The following BRIP1 variants were observed in gnomAD, a reference collection of about 807,000 sequenced individuals.
BRIP1 encodes BRCA1 interacting DNA helicase 1.
BRIP1 carries 88 observed loss-of-function variants against 119.7 expected under a neutral mutation model. The ratio of observed to expected loss-of-function variants is 0.74; its 90% CI spans 0.62 to 0.88. BRIP1 has a LOEUF of 0.88. BRIP1 is among the 40% of genes least tolerant of loss of function. BRIP1 has a pLI of 0.00. For synonymous variants in BRIP1, 443 were observed against 496.5 expected (o/e 0.89, Z 1.43); for missense variants, 1,259 against 1,455.4 (o/e 0.87, Z 2.20).
rs1253399755 is a variant in BRIP1 at position 61,706,529 on chromosome 17, A to C, written c.2492+9422T>G. Among the ~76,000 whole-genome samples the C allele has an allele frequency of 6.6e-6, 1 of 152,160 alleles. No individual in the cohort carries two copies. Among genetic ancestry groups the C allele is most frequent in the African/African-American group, 2.4e-5 (1 of 41,442 alleles). Reference sequence around the variant, plus strand: ...TTTACAATTCCCATTCCTCAGAAACAATTACTTTCAATATTTTAGGTAGAT... The same window carrying C: ...TTTACAATTCCCATTCCTCAGAAACCATTACTTTCAATATTTTAGGTAGAT... On this transcript the variant is annotated intron_variant, in intron 17 of 19. Coordinates refer to ENST00000259008, the MANE Select transcript of BRIP1 (RefSeq NM_032043.3). This position sits in a 1 kb window ranked among gnomAD's most constrained non-coding sequence, Gnocchi z 5.7.
chr17:61,751,196 T>A lies in BRIP1; in HGVS notation c.2098-6605A>T, dbSNP rs1031979724. ...AAATGCTTGAATATGGATAAACCCA[T>A]AGTAAGTGAAAAAAGCCACTGTATT... On this transcript the variant is annotated intron_variant, in intron 14 of 19. Transcript: ENST00000259008. This position sits in a 1 kb window ranked among gnomAD's most constrained non-coding sequence, Gnocchi z 6.7. Among the ~76,000 whole-genome samples, 1 of 152,180 alleles carries A rather than the reference T, an allele frequency of 6.6e-6. No individual in the cohort carries two copies. Among genetic ancestry groups the A allele is most frequent in the Non-Finnish European group, 1.5e-5 (1 of 68,010 alleles).
rs887559146 is a variant in BRIP1, at chr17:61,789,126, G to A, written c.1473+4471C>T. Among the ~76,000 whole-genome samples the A allele has an allele frequency of 1.3e-5, 2 of 151,838 alleles. No homozygotes were observed. Among genetic ancestry groups the A allele is most frequent in the African/African-American group, 4.8e-5 (2 of 41,318 alleles). On this transcript the variant is annotated intron_variant, in intron 10 of 19. Transcript: ENST00000259008. The surrounding 1 kb of genome is among the most constrained non-coding windows in gnomAD (Gnocchi z 4.8). ...AATAAAAAAATAAGTAATTAGCCAG[G>A]TGTGGTAATGCATGCCTGTAGTCCC...
chr17:61,784,177 T>A, intron 11 of BRIP1, 93 bp downstream of exon 11: 1 of 1,114,808 alleles, frequency 9.0e-7, no homozygotes, highest in East Asian at 2.4e-5. Flanking sequence ...TTCTCCTATT[T>A]ACTCACCCAA....
rs374974885 is a variant in BRIP1, at chr17:61,801,469, T to C, written c.924A>G (p.Lys308=). The C allele has an allele frequency of 1.5e-5, 24 of 1,606,726 alleles. No homozygotes were observed. In the East Asian group the frequency reaches 2.2e-4, roughly 15 times the overall value. Residue 308 remains lysine (K), a synonymous_variant, in exon 8 of 20, where the codon AAA becomes AAG. Transcript: ENST00000259008. The part of the protein sequence containing the change: ...CMELLDGKNG[K]SCYFYHGVHK... The stretch of plus-strand genomic sequence containing the variant: ...GAACTCCATGATAAAAATAGCAGGA[T>C]TTTCCCTAGAAACAAATATGCATAA...
rs1358311975 is a variant in BRIP1 at position 61,699,342 on chromosome 17, T to G, written c.2493-5830A>C. 6.6e-6 allele frequency among the ~76,000 whole-genome samples: 1 copy of G among 152,252 alleles called. No individual in the cohort carries two copies. Among genetic ancestry groups the G allele is most frequent in the Admixed American group, 6.5e-5 (1 of 15,288 alleles). On this transcript the variant is annotated intron_variant, in intron 17 of 19. Coordinates refer to ENST00000259008, the MANE Select transcript of BRIP1 (RefSeq NM_032043.3). This position sits in a 1 kb window ranked among gnomAD's most constrained non-coding sequence, Gnocchi z 4.8. ...CTTTGCTATTTGCTTTCTATATGCC[T>G]TACGTATTTTGTTCTTCTGTCTTTC...
Position 61,693,203 on chromosome 17 carries a change from G to A in BRIP1, c.2575+227C>T, listed in dbSNP as rs2061472444. 6.6e-6 allele frequency among the ~76,000 whole-genome samples: 1 copy of A among 152,140 alleles called. No individual in the cohort carries two copies. The highest frequency in any genetic ancestry group is 2.4e-5 in the African/African-American group (1 of 41,438). On this transcript the variant is annotated intron_variant, in intron 18 of 19. Coordinates refer to ENST00000259008, the MANE Select transcript of BRIP1 (RefSeq NM_032043.3). This position sits in a 1 kb window ranked among gnomAD's most constrained non-coding sequence, Gnocchi z 4.2. The stretch of plus-strand genomic sequence containing the variant: ...AGAAAGTATAGCGGTGGTTGTCAGT[G>A]GACAGGGGGGAGAGGGACATGGGGC...
chr17:61,776,226 G>T lies in BRIP1; in HGVS notation c.2097+175C>A. ...AGTAAAACAGAGGTAGGACAATCAG[G>T]CAGTATCTTAATCAAAAAATAAGTA... On this transcript the variant is annotated intron_variant, in intron 14 of 19. Transcript: ENST00000259008. This position sits in a 1 kb window ranked among gnomAD's most constrained non-coding sequence, Gnocchi z 5.0. 1 of 690,588 alleles carries T rather than the reference G, an allele frequency of 1.4e-6. No homozygotes were observed. The highest frequency in any genetic ancestry group is 2.4e-6 in the Non-Finnish European group (1 of 418,238). The allele number at this position is 690,588 out of a possible 1,614,324, so 42.8% of individuals were successfully genotyped here.
Position 61,796,081 on chromosome 17 carries a change from T to C in BRIP1, c.1341-2352A>G, listed in dbSNP as rs2077894314. On this transcript the variant is annotated intron_variant, in intron 9 of 19. Coordinates refer to ENST00000259008, the MANE Select transcript of BRIP1 (RefSeq NM_032043.3). The surrounding 1 kb of genome is among the most constrained non-coding windows in gnomAD (Gnocchi z 4.8). Reference sequence around the variant, plus strand: ...TAGAGAAATGTCTATTCAAATCTTTTGTCCATTTTTAATTAGATTATTAGA... The same window carrying C: ...TAGAGAAATGTCTATTCAAATCTTTCGTCCATTTTTAATTAGATTATTAGA... 6.6e-6 allele frequency among the ~76,000 whole-genome samples: 1 copy of C among 152,110 alleles called. No individual in the cohort carries two copies. The highest frequency in any genetic ancestry group is 1.5e-5 in the Non-Finnish European group (1 of 67,980).
chr17:61,735,902 C>T lies in BRIP1; in HGVS notation c.2379+7111G>A, dbSNP rs1170151472. On this transcript the variant is annotated intron_variant, in intron 16 of 19. Coordinates refer to ENST00000259008, the MANE Select transcript of BRIP1 (RefSeq NM_032043.3). The surrounding 1 kb of genome is among the most constrained non-coding windows in gnomAD (Gnocchi z 4.4). ...GTGCCAGATAACAACACAACCTGGC[C>T]AACACTCTGATTGCAGCAGTTTTGT... 1.3e-5 allele frequency among the ~76,000 whole-genome samples: 2 copies of T among 152,130 alleles called. No homozygotes were observed. Among genetic ancestry groups the T allele is most frequent in the African/African-American group, 4.8e-5 (2 of 41,406 alleles).
At chr17:61,847,918 T>C (rs1233861661) in intron 5 of BRIP1, among the ~76,000 whole-genome samples, 1 of 152,228 alleles carries the variant, frequency 6.6e-6, no homozygotes, top group Non-Finnish European at 1.5e-5. Context: ...CCCTACCTGA[T>C]GACATGCAAA....
In BRIP1 at chr17:61,744,521, ACTGT is replaced by A. The variant is rs778385829; in HGVS notation, c.2164_2167del (p.Thr722SerfsTer3). On this transcript the variant is annotated frameshift_variant, in exon 15 of 20. Transcript: ENST00000259008. LOFTEE classifies it high-confidence loss of function. The surrounding 1 kb of genome is among the most constrained non-coding windows in gnomAD (Gnocchi z 5.0). Reference sequence around the variant, plus strand: ...TTCTCCTCCCTGTGGTTCTACAATGACTGTCTTCACCAACTCCAGATTATGCCAT... The same window carrying A: ...TTCTCCTCCCTGTGGTTCTACAATGACTTCACCAACTCCAGATTATGCCAT... 1 of 1,613,792 alleles carries A rather than the reference ACTGT, an allele frequency of 6.2e-7. No homozygotes were observed. The highest frequency in any genetic ancestry group is 1.1e-5 in the South Asian group (1 of 91,082).
At chr17:61,716,496 T>C (rs1022899299) in intron 16 of BRIP1, among the ~76,000 whole-genome samples, 20 of 152,102 alleles carry the variant, frequency 1.3e-4, no homozygotes, top group Non-Finnish European at 2.5e-4. Flanking sequence ...CTTTATAGAA[T>C]TTCATATAAA....
intron 10 of BRIP1, among the ~76,000 whole-genome samples, chr17:61,784,705 G>A (rs561611846): frequency 6.6e-6 from 1 of 152,108 alleles, no homozygotes; most frequent in East Asian, 1.9e-4. Context: ...TGCTCTGTTA[G>A]TTCCCACGAG....
In BRIP1 at chr17:61,827,603, C is replaced by T. The variant is rs2078429672; in HGVS notation, c.628-18846G>A. On this transcript the variant is annotated intron_variant, in intron 6 of 19. Transcript: ENST00000259008. This position sits in a 1 kb window ranked among gnomAD's most constrained non-coding sequence, Gnocchi z 5.8. ...AATTAGCCAGGCGTGGGGGCACACA[C>T]CTGTAATCCCAGCTATTCGGGAGGC... is the stretch of plus-strand genomic sequence containing the variant. 1.3e-5 allele frequency among the ~76,000 whole-genome samples: 2 copies of T among 152,124 alleles called. No homozygotes were observed. Among genetic ancestry groups the T allele is most frequent in the African/African-American group, 4.8e-5 (2 of 41,406 alleles).
intron 16 of BRIP1, among the ~76,000 whole-genome samples, chr17:61,719,856 C>A (rs2061944048): frequency 6.6e-6 from 1 of 151,876 alleles, no homozygotes; most frequent in Non-Finnish European, 1.5e-5. Flanking sequence ...AGAGACAGGG[C>A]CTCAGTCTGT....
Position 61,720,108 on chromosome 17 carries a change from A to G in BRIP1, c.2380-4045T>C, listed in dbSNP as rs1298473902. 6.6e-6 allele frequency among the ~76,000 whole-genome samples: 1 copy of G among 152,154 alleles called. No individual in the cohort carries two copies. Among genetic ancestry groups the G allele is most frequent in the Admixed American group, 6.6e-5 (1 of 15,266 alleles). On this transcript the variant is annotated intron_variant, in intron 16 of 19. Coordinates refer to ENST00000259008, the MANE Select transcript of BRIP1 (RefSeq NM_032043.3). The surrounding 1 kb of genome is among the most constrained non-coding windows in gnomAD (Gnocchi z 4.3). ...ACCTTGACCTCCCAAAGTGCTAGGAATACAGGCATGAGCCACTGCGTCTGG... is the reference window on the plus strand; with the variant it reads ...ACCTTGACCTCCCAAAGTGCTAGGAGTACAGGCATGAGCCACTGCGTCTGG...
intron 14 of BRIP1, among the ~76,000 whole-genome samples, chr17:61,747,328 C>G (rs1464769842): frequency 6.7e-6 from 1 of 150,250 alleles, no homozygotes; most frequent in Admixed American, 6.6e-5. Flanking sequence ...AAGATTAGAG[C>G]AGAAATAAAA....
chr17:61,809,553 TTC>T lies in BRIP1; in HGVS notation c.628-798_628-797del, dbSNP rs2078130489. Reference sequence around the variant, plus strand: ...CTACTTAATTTACCTGATTTTTCTCTTCTGTTTCCAAATTCTCAAATACTAAA... The same window carrying T: ...CTACTTAATTTACCTGATTTTTCTCTTGTTTCCAAATTCTCAAATACTAAA... On this transcript the variant is annotated intron_variant, in intron 6 of 19. Transcript: ENST00000259008. The surrounding 1 kb of genome is among the most constrained non-coding windows in gnomAD (Gnocchi z 5.2). Among the ~76,000 whole-genome samples, 1 of 152,132 alleles carries T rather than the reference TTC, an allele frequency of 6.6e-6. No individual in the cohort carries two copies. The highest frequency in any genetic ancestry group is 2.1e-4 in the South Asian group (1 of 4,832).
Position 61,810,932 on chromosome 17 carries a change from G to A in BRIP1, c.628-2175C>T, listed in dbSNP as rs147974824. Reference sequence around the variant, plus strand: ...TTTAATTTTTAAAAGGGGTGAATTTGGCACAAATAATTTAATGTTCTACTT... The same window carrying A: ...TTTAATTTTTAAAAGGGGTGAATTTAGCACAAATAATTTAATGTTCTACTT... On this transcript the variant is annotated intron_variant, in intron 6 of 19. Transcript: ENST00000259008. The surrounding 1 kb of genome is among the most constrained non-coding windows in gnomAD (Gnocchi z 4.7). Among the ~76,000 whole-genome samples, 1,560 of 151,974 alleles carry A rather than the reference G, an allele frequency of 0.01. 12 individuals carry two copies. The highest frequency in any genetic ancestry group is 0.017 in the Non-Finnish European group (1,149 of 67,962).
Sources: gnomAD v4.1 joint callset for allele counts (sites outside exome capture counted in the v4.1 genomes callset) on GRCh38, gnomAD v4.1.1 for gene constraint, Gnocchi (gnomAD v3.1) non-coding constraint, MANE v1.5 for transcripts, NCBI Gene and HGNC (gene_info 2026-07-23, HGNC 2026-07-21) for gene names.